The following RBFOX3 variants were observed in gnomAD, a reference collection of about 807,000 sequenced individuals.
The protein encoded by RBFOX3 is RNA binding fox-1 homolog 3, also known as RNA binding protein fox-1 homolog 3.
A neutral mutation model predicts 48.7 loss-of-function variants in RBFOX3; 17 were observed. The ratio of observed to expected loss-of-function variants is 0.35; its 90% CI spans 0.24 to 0.52. The LOEUF (loss-of-function observed/expected upper bound fraction) is 0.52, where lower values mean the gene tolerates loss of function less well. Ranked by LOEUF, RBFOX3 falls within the 20% of genes least tolerant of loss-of-function variation. The pLI is 0.94. For synonymous variants in RBFOX3, 212 were observed against 209.5 expected, an observed-to-expected ratio of 1.01 and a Z score of -0.10; for missense variants, 382 against 497.5, an observed-to-expected ratio of 0.77 and a Z score of 2.21.
intron 2 of RBFOX3, among the ~76,000 whole-genome samples, chr17:79,440,497 G>A (rs552707733): frequency 2.2e-4 from 33 of 152,286 alleles, no homozygotes; most frequent in African/African-American, 7.7e-4. Context: ...GGGAGCCGAA[G>A]CCGGTGACCA....
At chr17:79,525,432 CAG>C (rs2086668446) in intron 1 of RBFOX3, among the ~76,000 whole-genome samples, 1 of 152,196 alleles carries the variant, frequency 6.6e-6, no homozygotes, top group South Asian at 2.1e-4. Context: ...CACCAAGTTA[CAG>C]GTGAGTTTGC....
chr17:79,512,264 T>C (rs1214499441), intron 1 of RBFOX3, among the ~76,000 whole-genome samples: 1 of 105,854 alleles, frequency 9.4e-6, no homozygotes, highest in African/African-American at 3.6e-5. Context: ...AGCCAGGGGA[T>C]ATACACCCGG....
At position 79,339,367 on chromosome 17, in the gene RBFOX3, T is replaced by C. The variant is rs907218277; in HGVS notation, c.-174-31543A>G. ...CACTGTGTCCAGCATTGATTCTTAG[T>C]CGCGCTGAAGCTTGGAAAACCATTG... On this transcript the variant is annotated intron_variant, in intron 2 of 14. Transcript: ENST00000693108. 3.3e-5 allele frequency among the ~76,000 whole-genome samples: 5 copies of C among 152,312 alleles called. No individual in the cohort carries two copies. The East Asian group carries it at 7.7e-4, about 24-fold the overall frequency.
chr17:79,529,115 T>C (rs2087277071), intron 1 of RBFOX3, among the ~76,000 whole-genome samples: 1 of 151,180 alleles, frequency 6.6e-6, no homozygotes. Flanking sequence ...AGGACACTAC[T>C]TACATTCCAG....
chr17:79,429,286 C>T (rs1277245378), intron 2 of RBFOX3, among the ~76,000 whole-genome samples: 3 of 152,260 alleles, frequency 2.0e-5, no homozygotes, highest in East Asian at 3.8e-4. Context: ...CCGCACAGAG[C>T]CTCGTCCACC....
At chr17:79,465,970 C>T (rs954972942) in intron 2 of RBFOX3, among the ~76,000 whole-genome samples, 4 of 152,252 alleles carry the variant, frequency 2.6e-5, no homozygotes, top group Admixed American at 6.5e-5. Flanking sequence ...TGGGCATCCC[C>T]ACGGCCCCCA....
chr17:79,452,926 G>C (rs1555742612), intron 2 of RBFOX3, among the ~76,000 whole-genome samples: 1 of 152,288 alleles, frequency 6.6e-6, no homozygotes, highest in Admixed American at 6.5e-5. Flanking sequence ...CCCGCTCACG[G>C]CCCCCCGGCC....
In RBFOX3 at chr17:79,171,099, G is replaced by A. The variant is rs552835687; in HGVS notation, c.-33-55351C>T. 2.0e-5 allele frequency among the ~76,000 whole-genome samples: 3 copies of A among 152,366 alleles called. No homozygotes were observed. In the East Asian group the frequency reaches 5.8e-4, roughly 29 times the overall value. ...GCCACTGGCCCCATGTGGCTGTCGA[G>A]CAATTGAGGTGGGTTGTGAGTGAAA... On this transcript the variant is annotated intron_variant, in intron 4 of 14. Coordinates refer to ENST00000693108, the MANE Select transcript of RBFOX3 (RefSeq NM_001350451.2).
chr17:79,209,869 C>T (rs577628363), intron 4 of RBFOX3, among the ~76,000 whole-genome samples: 20 of 151,854 alleles, frequency 1.3e-4, no homozygotes, highest in Non-Finnish European at 2.1e-4. Context: ...TGGTGGTGGC[C>T]GCCTGTAGTC....
At chr17:79,388,059 C>T (rs11658627) in intron 2 of RBFOX3, among the ~76,000 whole-genome samples, 86,245 of 151,432 alleles carry the variant, frequency 0.57, 24,674 homozygotes, top group South Asian at 0.66. Context: ...CATGTGTGCA[C>T]TGTGCAGTGT....
At chr17:79,378,620 G>C (rs2059514133) in intron 2 of RBFOX3, among the ~76,000 whole-genome samples, 1 of 152,092 alleles carries the variant, frequency 6.6e-6, no homozygotes, top group Non-Finnish European at 1.5e-5. Context: ...GGGGCTGTGT[G>C]GGGGGCCCGG....
At chr17:79,313,955 G>A (rs771086384) in intron 2 of RBFOX3, among the ~76,000 whole-genome samples, 11 of 152,186 alleles carry the variant, frequency 7.2e-5, no homozygotes, top group Non-Finnish European at 1.3e-4. Flanking sequence ...TGCATGTCCG[G>A]CTCTTGCCCG....
intron 2 of RBFOX3, among the ~76,000 whole-genome samples, chr17:79,308,290 C>T (rs548831102): frequency 5.3e-5 from 8 of 152,304 alleles, no homozygotes; most frequent in South Asian, 4.1e-4. Context: ...GAAATTGTAA[C>T]GGCCGGCGTG....
chr17:79,645,517 C>G, the RBFOX3 span, among the ~76,000 whole-genome samples: 4 of 152,194 alleles, frequency 2.6e-5, no homozygotes, highest in African/African-American at 9.7e-5. Context: ...CCTGAGGACC[C>G]TCTTAAGACC....
At chr17:79,467,033 C>T (rs112447612) in intron 2 of RBFOX3, among the ~76,000 whole-genome samples, 6,669 of 152,320 alleles carry the variant, frequency 0.044, 203 homozygotes, top group Middle Eastern at 0.078. Flanking sequence ...ATGCCATATG[C>T]ATGCACTGCA....
At chr17:79,591,528 G>A (rs979748107) in intron 1 of RBFOX3, among the ~76,000 whole-genome samples, 38 of 152,276 alleles carry the variant, frequency 2.5e-4, no homozygotes, top group African/African-American at 8.7e-4. Flanking sequence ...CAGGCACAGC[G>A]CCAAAGGTCC....
rs868211126 is a variant in RBFOX3 at position 79,103,344 on chromosome 17, G to T, written c.415-90C>A. 3 of 835,080 alleles carry T rather than the reference G, an allele frequency of 3.6e-6. No homozygotes were observed. The highest frequency in any genetic ancestry group is 6.0e-6 in the Non-Finnish European group (3 of 504,148). The allele number at this position is 835,080 out of a possible 1,614,324, so 51.7% of individuals were successfully genotyped here. ...AGACGAGGAAGAAGAGGAGTGGGAG[G>T]GGGGCAGGGGAGTGGGGAGAGAGAG... On this transcript the variant is annotated intron_variant, in intron 7 of 14. Transcript: ENST00000693108. This position sits in a 1 kb window ranked among gnomAD's most constrained non-coding sequence, Gnocchi z 6.1.
At chr17:79,279,545 G>A (rs940996997) in intron 3 of RBFOX3, among the ~76,000 whole-genome samples, 1 of 152,200 alleles carries the variant, frequency 6.6e-6, no homozygotes, top group African/African-American at 2.4e-5. Flanking sequence ...CAAATAGAGC[G>A]AAGGCATGAC....
chr17:79,388,888 C>T (rs2060951506), intron 2 of RBFOX3, among the ~76,000 whole-genome samples: 2 of 152,258 alleles, frequency 1.3e-5, no homozygotes, highest in Admixed American at 1.3e-4. Context: ...TCACCATCCT[C>T]TCCCAGCGGC....
Sources: allele counts gnomAD v4.1 joint callset (sites outside exome capture counted in the v4.1 genomes callset), GRCh38; gene constraint gnomAD v4.1.1; non-coding constraint Gnocchi (gnomAD v3.1); transcripts MANE v1.5; gene names NCBI Gene and HGNC (gene_info 2026-07-23, HGNC 2026-07-21).